Variants in ATRNL1 observed in about 807,000 individuals in gnomAD.
ATRNL1 encodes attractin-like protein 1.
Under a neutral mutation model 182.7 loss-of-function variants are expected in ATRNL1, and 95 were observed. The observed-to-expected ratio is 0.52, with a 90% confidence interval of 0.44 to 0.62. The LOEUF is 0.62. Ranked by LOEUF, ATRNL1 falls within the 20% of genes least tolerant of loss-of-function variation. The probability of loss-of-function intolerance (pLI) is 0.00; values close to 1 mark genes in which losing one functional copy is unlikely to be tolerated. For synonymous variants in ATRNL1, 576 were observed against 568.3 expected (o/e 1.01, Z -0.19); for missense variants, 1,471 against 1,679.5 (o/e 0.88, Z 2.17).
chr10:115,642,104 G>A lies in ATRNL1; in HGVS notation c.3796-85144G>A, dbSNP rs140131685. ...TGTTACTAATATTTTAAATTACATC[G>A]TACAGCATAATAACAAAAGTTTTCA... On this transcript the variant is annotated intron_variant, in intron 26 of 28. Coordinates refer to ENST00000355044, the MANE Select transcript of ATRNL1 (RefSeq NM_207303.4). 3.5e-4 allele frequency among the ~76,000 whole-genome samples: 53 copies of A among 152,074 alleles called. No homozygotes were observed. The East Asian group carries it at 4.8e-3, about 14-fold the overall frequency.
intron 5 of ATRNL1, among the ~76,000 whole-genome samples, chr10:115,152,830 A>G (rs556407751): frequency 0.019 from 2,845 of 151,752 alleles, 43 homozygotes; most frequent in Non-Finnish European, 0.024. Flanking sequence ...TTGCCCATTC[A>G]ATATCATATT....
intron 15 of ATRNL1, among the ~76,000 whole-genome samples, chr10:115,288,817 C>T (rs531668131): frequency 1.3e-4 from 20 of 152,012 alleles, no homozygotes; most frequent in Non-Finnish European, 2.5e-4. Context: ...CCACCGTGTC[C>T]GGCCTGTATG....
intron 19 of ATRNL1, among the ~76,000 whole-genome samples, chr10:115,336,989 G>GT (rs1554936900): frequency 7.1e-6 from 1 of 141,648 alleles, no homozygotes; most frequent in African/African-American, 2.6e-5. Context: ...GGGGGGGGGG[G>GT]ACTACAGGGG....
chr10:115,414,260 G>A (rs916859005), intron 20 of ATRNL1, among the ~76,000 whole-genome samples: 3 of 151,844 alleles, frequency 2.0e-5, no homozygotes, highest in Admixed American at 6.6e-5. Context: ...GCACCAATTC[G>A]GAGTATGTAG....
intron 28 of ATRNL1, among the ~76,000 whole-genome samples, chr10:115,881,139 G>A (rs1428013631): frequency 6.6e-6 from 1 of 152,184 alleles, no homozygotes; most frequent in African/African-American, 2.4e-5. Flanking sequence ...TATGCTCAGG[G>A]CATTGCCTAG....
chr10:115,672,690 A>T (rs1042333006), intron 26 of ATRNL1, among the ~76,000 whole-genome samples: 1 of 152,084 alleles, frequency 6.6e-6, no homozygotes, highest in East Asian at 1.9e-4. Context: ...TATTACTAAA[A>T]AAAGATTAAT....
intron 27 of ATRNL1, among the ~76,000 whole-genome samples, chr10:115,794,005 T>C (rs934450183): frequency 6.6e-6 from 1 of 152,168 alleles, no homozygotes; most frequent in Non-Finnish European, 1.5e-5. Flanking sequence ...AAGACAACAA[T>C]GTCATAATGA....
intron 1 of ATRNL1, among the ~76,000 whole-genome samples, chr10:115,106,269 C>G (rs1015852739): frequency 6.6e-6 from 1 of 152,144 alleles, no homozygotes; most frequent in Admixed American, 6.5e-5. Context: ...GCCAATTTCT[C>G]CCATTTGGAA....
intron 27 of ATRNL1, among the ~76,000 whole-genome samples, chr10:115,834,484 C>G (rs1950625280): frequency 6.6e-6 from 1 of 152,170 alleles, no homozygotes; most frequent in African/African-American, 2.4e-5. Flanking sequence ...CTCTCAGACT[C>G]TTCCACCTTG....
At chr10:115,636,174 A>C (rs781972388) in intron 26 of ATRNL1, among the ~76,000 whole-genome samples, 5 of 152,194 alleles carry the variant, frequency 3.3e-5, no homozygotes, top group Admixed American at 6.5e-5. Context: ...TGTTCCGTGC[A>C]GGTAGGCAAC....
At chr10:115,584,930 G>A (rs1855415595) in intron 26 of ATRNL1, among the ~76,000 whole-genome samples, 2 of 149,428 alleles carry the variant, frequency 1.3e-5, no homozygotes, top group South Asian at 4.3e-4. Context: ...ATGCGTCCCA[G>A]AGATTCTGGT....
At chr10:115,773,887 C>T (rs140184782) in intron 27 of ATRNL1, among the ~76,000 whole-genome samples, 54 of 152,216 alleles carry the variant, frequency 3.5e-4, no homozygotes, top group African/African-American at 1.3e-3. Context: ...CTATTTGTTC[C>T]TATCTCCCTC....
intron 27 of ATRNL1, among the ~76,000 whole-genome samples, chr10:115,843,168 T>C (rs1950849010): frequency 6.6e-6 from 1 of 152,064 alleles, no homozygotes; most frequent in Non-Finnish European, 1.5e-5. Context: ...GAATCTAACA[T>C]GATATCTGCC....
At chr10:115,826,059 A>G (rs1950424045) in intron 27 of ATRNL1, among the ~76,000 whole-genome samples, 1 of 152,214 alleles carries the variant, frequency 6.6e-6, no homozygotes, top group Admixed American at 6.6e-5. Context: ...AGTTTTTGCA[A>G]GGGTGAACTC....
chr10:115,713,790 T>G (rs1947162136), intron 26 of ATRNL1, among the ~76,000 whole-genome samples: 1 of 152,062 alleles, frequency 6.6e-6, no homozygotes, highest in Non-Finnish European at 1.5e-5. Flanking sequence ...AAGAAAGCTG[T>G]CTAGTCATCA....
At chr10:115,099,505 C>T (rs1214305896) in intron 1 of ATRNL1, among the ~76,000 whole-genome samples, 1 of 152,082 alleles carries the variant, frequency 6.6e-6, no homozygotes, top group Non-Finnish European at 1.5e-5. Flanking sequence ...TTAAAGAAAC[C>T]GACAAACTGT....
chr10:115,719,103 A>G (rs1593118299), intron 26 of ATRNL1, among the ~76,000 whole-genome samples: 1 of 152,358 alleles, frequency 6.6e-6, no homozygotes, highest in East Asian at 1.9e-4. Context: ...AAAAACGATG[A>G]AAGAAAAAAA....
chr10:115,808,409 A>C (rs1483264907), intron 27 of ATRNL1, among the ~76,000 whole-genome samples: 3 of 152,134 alleles, frequency 2.0e-5, no homozygotes, highest in Non-Finnish European at 2.9e-5. Flanking sequence ...GATATTTCAT[A>C]ATTCGTTCAT....
At chr10:115,789,073 A>G (rs1949465210) in intron 27 of ATRNL1, among the ~76,000 whole-genome samples, 1 of 152,198 alleles carries the variant, frequency 6.6e-6, no homozygotes, top group African/African-American at 2.4e-5. Flanking sequence ...ACTGCATCTG[A>G]CCAGTTCTTT....
Sources: allele counts gnomAD v4.1 joint callset (sites outside exome capture counted in the v4.1 genomes callset), GRCh38; gene constraint gnomAD v4.1.1; transcripts MANE v1.5; gene names NCBI Gene and HGNC (gene_info 2026-07-23, HGNC 2026-07-21).